Variants in DLG2 observed in about 807,000 individuals in gnomAD.
The protein encoded by DLG2 is discs large MAGUK scaffold protein 2, also known as disks large homolog 2.
DLG2 carries 45 observed loss-of-function variants against 132.5 expected under a neutral mutation model. The ratio of observed to expected loss-of-function variants is 0.34; its 90% CI spans 0.27 to 0.44. DLG2 has a LOEUF of 0.44. Among genes scored for constraint, DLG2 ranks in the 20% least tolerant of loss-of-function variants. The pLI is 1.00. For synonymous variants in DLG2, 424 were observed against 419.6 expected, an observed-to-expected ratio of 1.01 and a Z score of -0.13; for missense variants, 1,045 against 1,196.9, an observed-to-expected ratio of 0.87 and a Z score of 1.87.
intron 7 of DLG2, among the ~76,000 whole-genome samples, chr11:84,481,918 C>T: frequency 6.6e-6 from 1 of 152,174 alleles, no homozygotes; most frequent in East Asian, 1.9e-4. Flanking sequence ...CTTCAACAAA[C>T]TCATCTAGGT....
chr11:84,259,263 GA>G (rs397968137), intron 7 of DLG2, among the ~76,000 whole-genome samples: 1,084 of 97,246 alleles, frequency 0.011, 8 homozygotes, highest in East Asian at 0.036. Flanking sequence ...ACTGTGTCTC[GA>G]AAAAAAAAAA....
At chr11:83,665,162 G>C (rs1037181560) in intron 18 of DLG2, among the ~76,000 whole-genome samples, 4 of 152,198 alleles carry the variant, frequency 2.6e-5, no homozygotes, top group African/African-American at 4.8e-5. Flanking sequence ...GCTTGAAAGA[G>C]AGAAGGCTTA....
At chr11:84,234,439 C>T (rs896996) in intron 8 of DLG2, among the ~76,000 whole-genome samples, 106,862 of 152,066 alleles carry the variant, frequency 0.7, 38,481 homozygotes, top group Middle Eastern at 0.83. Flanking sequence ...CCACTGCTAA[C>T]GAAAGTGCGT....
chr11:83,469,647 C>A (rs1406101187), intron 24 of DLG2, among the ~76,000 whole-genome samples: 1 of 152,130 alleles, frequency 6.6e-6, no homozygotes, highest in African/African-American at 2.4e-5. Context: ...AGCATTCACC[C>A]CACCTCTCTA....
Position 85,571,394 on chromosome 11 carries a change from CTGA to C in DLG2, c.40+27260_40+27262del, listed in dbSNP as rs145565918. 5.2e-3 allele frequency among the ~76,000 whole-genome samples: 798 copies of C among 152,184 alleles called. 7 individuals are homozygous for C. The highest frequency in any genetic ancestry group is 0.018 in the African/African-American group (741 of 41,524). On this transcript the variant is annotated intron_variant, in intron 3 of 27. Transcript: ENST00000376104. Reference sequence around the variant, plus strand: ...TCTTTTCCCTTTGCTTAGTGATCAGCTGATGATTAGACAGAGATTTCCTTAACC... The same window carrying C: ...TCTTTTCCCTTTGCTTAGTGATCAGCTGATTAGACAGAGATTTCCTTAACC...
intron 7 of DLG2, 140 bp downstream of exon 7, chr11:84,534,430 C>A (rs1336017090): frequency 1.3e-6 from 1 of 777,628 alleles, no homozygotes; most frequent in Non-Finnish European, 2.1e-6. Flanking sequence ...CTCCAATGCA[C>A]AAGAAAGACC....
At chr11:83,980,028 T>C (rs1252810646) in intron 12 of DLG2, among the ~76,000 whole-genome samples, 1 of 152,212 alleles carries the variant, frequency 6.6e-6, no homozygotes, top group African/African-American at 2.4e-5. Flanking sequence ...ATCTGCTGTC[T>C]CTTCTTTTCA....
intron 17 of DLG2, among the ~76,000 whole-genome samples, chr11:83,814,168 T>A (rs7126807): frequency 0.18 from 27,400 of 152,068 alleles, 2,838 homozygotes; most frequent in African/African-American, 0.28. Context: ...TACATTCTTT[T>A]GGACCAAATG....
rs534350192 is a variant in DLG2 at position 84,626,092 on chromosome 11, G to T, written c.358-91361C>A. 9.9e-5 allele frequency among the ~76,000 whole-genome samples: 15 copies of T among 152,278 alleles called. No homozygotes were observed. In the East Asian group the frequency reaches 2.3e-3, roughly 23 times the overall value. On this transcript the variant is annotated intron_variant, in intron 6 of 27. Transcript: ENST00000376104. Reference sequence around the variant, plus strand: ...TTTTGAGACTAGTTCGGGTGATTCAGATCTATTATCTTTTATTATGAAAAC... The same window carrying T: ...TTTTGAGACTAGTTCGGGTGATTCATATCTATTATCTTTTATTATGAAAAC...
chr11:84,306,382 A>G (rs1030424939), intron 7 of DLG2, among the ~76,000 whole-genome samples: 1 of 152,218 alleles, frequency 6.6e-6, no homozygotes, highest in Non-Finnish European at 1.5e-5. Context: ...GATGAAATCT[A>G]TACACATAGA....
chr11:83,495,845 C>T (rs1206565592), intron 21 of DLG2, among the ~76,000 whole-genome samples: 1 of 152,060 alleles, frequency 6.6e-6, no homozygotes, highest in African/African-American at 2.4e-5. Flanking sequence ...GGATAGATTA[C>T]AGATCTAAAC....
At chr11:83,670,375 C>T (rs2076628207) in intron 18 of DLG2, among the ~76,000 whole-genome samples, 1 of 122,382 alleles carries the variant, frequency 8.2e-6, no homozygotes, top group Non-Finnish European at 1.7e-5. Flanking sequence ...AGGTTCTGGA[C>T]ATACAGAAAA....
At chr11:83,919,424 G>A (rs1417740385) in intron 15 of DLG2, among the ~76,000 whole-genome samples, 1 of 152,022 alleles carries the variant, frequency 6.6e-6, no homozygotes, top group African/African-American at 2.4e-5. Flanking sequence ...ATATAGCTAT[G>A]GAAAAAAATC....
At chr11:84,933,561 T>C (rs895508162) in intron 6 of DLG2, among the ~76,000 whole-genome samples, 7 of 152,240 alleles carry the variant, frequency 4.6e-5, no homozygotes, top group African/African-American at 1.7e-4. Context: ...CAGTTCTCCT[T>C]CTACAGATCT....
intron 8 of DLG2, among the ~76,000 whole-genome samples, chr11:84,225,957 C>A (rs1284358236): frequency 2.0e-5 from 3 of 152,078 alleles, no homozygotes; most frequent in African/African-American, 7.2e-5. Flanking sequence ...ATTACAGGCA[C>A]AGGCCACCAC....
At chr11:84,993,114 C>G (rs576676736) in intron 6 of DLG2, among the ~76,000 whole-genome samples, 10 of 152,242 alleles carry the variant, frequency 6.6e-5, no homozygotes, top group African/African-American at 2.4e-4. Context: ...AATGAGTTCA[C>G]GTCCTTTGCA....
chr11:83,751,712 C>T (rs953206051), intron 18 of DLG2, among the ~76,000 whole-genome samples: 1 of 152,006 alleles, frequency 6.6e-6, no homozygotes, highest in Non-Finnish European at 1.5e-5. Context: ...AATGGAATTG[C>T]CACTGAGGTA....
At chr11:84,106,954 AAG>A (rs150673792) in intron 9 of DLG2, among the ~76,000 whole-genome samples, 1 of 132,950 alleles carries the variant, frequency 7.5e-6, no homozygotes, top group African/African-American at 2.9e-5. Context: ...GAGAGAGAGA[AAG>A]AGAGAGAGAG....
At chr11:84,501,410 C>G (rs1165577848) in intron 7 of DLG2, among the ~76,000 whole-genome samples, 1 of 152,030 alleles carries the variant, frequency 6.6e-6, no homozygotes, top group African/African-American at 2.4e-5. Context: ...ACTAAAAATA[C>G]AAATATTAGC....
Sources: gnomAD v4.1 joint callset for allele counts (sites outside exome capture counted in the v4.1 genomes callset) on GRCh38, gnomAD v4.1.1 for gene constraint, MANE v1.5 for transcripts, NCBI Gene and HGNC (gene_info 2026-07-23, HGNC 2026-07-21) for gene names.